Variants in ZFYVE9 observed in about 807,000 individuals in gnomAD.
The protein encoded by ZFYVE9 is zinc finger FYVE-type containing 9, also known as zinc finger FYVE domain-containing protein 9.
A neutral mutation model predicts 126.7 loss-of-function variants in ZFYVE9; 43 were observed. The observed-to-expected ratio is 0.34, with a 90% CI of 0.27 to 0.44. ZFYVE9 has a LOEUF of 0.44. Among genes scored for constraint, ZFYVE9 ranks in the 20% least tolerant of loss-of-function variants. ZFYVE9 has a pLI of 1.00. For missense variants in ZFYVE9, 1,476 were observed against 1,697.0 expected (o/e 0.87, Z 2.29); for synonymous variants, 521 against 597.4 (o/e 0.87, Z 1.87).
At chr1:52,156,448 T>C (rs1644404063) in intron 1 of ZFYVE9, among the ~76,000 whole-genome samples, 1 of 152,200 alleles carries the variant, frequency 6.6e-6, no homozygotes, top group African/African-American at 2.4e-5. Flanking sequence ...CCTTTACCTC[T>C]GCCCCCTACA....
At position 52,274,357 on chromosome 1, in the gene ZFYVE9, G is replaced by A. The variant is rs1240352052; in HGVS notation, c.2626-107G>A. 5 of 1,356,374 alleles carry A rather than the reference G, an allele frequency of 3.7e-6. No individual in the cohort carries two copies. The African/African-American group carries it at 4.4e-5, about 12-fold the overall frequency. The allele number at this position is 1,356,374 out of a possible 1,614,324, so 84.0% of individuals were successfully genotyped here. On this transcript the variant is annotated intron_variant, in intron 7 of 18. Coordinates refer to ENST00000287727, the MANE Select transcript of ZFYVE9 (RefSeq NM_004799.4). ...AATATTTTGTGCTACCTTTCAAAAA[G>A]TATGAATTTCAGATTTTCACTTAAG...
chr1:52,221,256 T>G (rs1281183379), intron 2 of ZFYVE9, among the ~76,000 whole-genome samples: 2 of 152,196 alleles, frequency 1.3e-5, no homozygotes, highest in Non-Finnish European at 2.9e-5. Flanking sequence ...ACCTTTTTCC[T>G]TCAATGATCC....
At position 52,228,893 on chromosome 1, in the gene ZFYVE9, CT is replaced by C. The variant is rs11438635; in HGVS notation, c.-36-4265del. ...TTCTAGTTGAGAATAATCTTTTTTC[CT>C]TTTTTTTTTTTTAAAGACGAGGTCT... On this transcript the variant is annotated intron_variant, in intron 2 of 18. Coordinates refer to ENST00000287727, the MANE Select transcript of ZFYVE9 (RefSeq NM_004799.4). Among the ~76,000 whole-genome samples the C allele has an allele frequency of 8.3e-3, 1,178 of 142,006 alleles. 4 individuals carry two copies. Among genetic ancestry groups the C allele is most frequent in the African/African-American group, 0.019 (730 of 39,132 alleles). 93.2% of individuals were successfully genotyped at this position (142,006 alleles called of 152,430 possible).
intron 4 of ZFYVE9, among the ~76,000 whole-genome samples, chr1:52,263,099 A>G (rs1374875226): frequency 6.7e-6 from 1 of 148,752 alleles, no homozygotes; most frequent in Non-Finnish European, 1.5e-5. Context: ...AAAAAAAAAG[A>G]AAAGAAATCT....
chr1:52,293,376 CAAAAAAAAAAA>C (rs376379860), intron 10 of ZFYVE9, 66 bp from the exon 11 acceptor site: 11 of 604,250 alleles, frequency 1.8e-5, no homozygotes, highest in African/African-American at 1.7e-4. Context: ...GACTCCGTCT[CAAAAAAAAAAA>C]AAAAAAAAAA....
chr1:52,311,654 C>T (rs115977361), intron 13 of ZFYVE9, among the ~76,000 whole-genome samples: 3,107 of 152,262 alleles, frequency 0.02, 93 homozygotes, highest in African/African-American at 0.07. Flanking sequence ...AGTTTTGTGA[C>T]ATTTCAATCA....
intron 13 of ZFYVE9, among the ~76,000 whole-genome samples, chr1:52,326,568 G>T (rs557191162): frequency 1.6e-4 from 25 of 152,130 alleles, no homozygotes; most frequent in African/African-American, 5.8e-4. Flanking sequence ...TTGGTCGAAG[G>T]CCAGGCATGG....
At chr1:52,243,183 G>T (rs751897029) in intron 4 of ZFYVE9, among the ~76,000 whole-genome samples, 1 of 152,202 alleles carries the variant, frequency 6.6e-6, no homozygotes, top group Non-Finnish European at 1.5e-5. Context: ...CTGTCACTGT[G>T]CTGGGTGCCG....
chr1:52,190,555 T>C (rs1200798903), intron 1 of ZFYVE9, among the ~76,000 whole-genome samples: 4 of 152,222 alleles, frequency 2.6e-5, no homozygotes, highest in Non-Finnish European at 4.4e-5. Context: ...TGTTTTGATA[T>C]GGATTAGATG....
In ZFYVE9 at chr1:52,238,374, GA is replaced by G; in HGVS notation, c.963del (p.Glu322SerfsTer68). The G allele has an allele frequency of 1.2e-6, 2 of 1,613,672 alleles. No individual in the cohort carries two copies. Among genetic ancestry groups the G allele is most frequent in the Non-Finnish European group, 8.5e-7 (1 of 1,179,890 alleles). On this transcript the variant is annotated frameshift_variant, in exon 4 of 19. Coordinates refer to ENST00000287727, the MANE Select transcript of ZFYVE9 (RefSeq NM_004799.4). LOFTEE classifies it high-confidence loss of function. Reference sequence around the variant, plus strand: ...CCCACATGAGTGAGGGGATTTTGATGAAAAAAGAGCCAGCAGAGGAGAGCAC... The same window carrying G: ...CCCACATGAGTGAGGGGATTTTGATGAAAAAGAGCCAGCAGAGGAGAGCAC... The part of the protein sequence containing the change: ...FSHMSEGILM[K>X]KEPAEESTTE...
Position 52,334,679 on chromosome 1 carries a change from C to T in ZFYVE9, c.3590-9C>T. On this transcript the variant is annotated splice_polypyrimidine_tract_variant and intron_variant, in intron 14 of 18. Transcript: ENST00000287727. ...CTGTCTTACTAAACTATTTCTATTG[C>T]TGTTTTAGTGACTGGTGCCAGTTTC... 6.2e-7 allele frequency: 1 copy of T among 1,613,244 alleles called. No homozygotes were observed. Among genetic ancestry groups the T allele is most frequent in the East Asian group, 2.2e-5 (1 of 44,848 alleles).
At chr1:52,169,583 T>G (rs989362352) in intron 1 of ZFYVE9, among the ~76,000 whole-genome samples, 2 of 152,152 alleles carry the variant, frequency 1.3e-5, no homozygotes, top group African/African-American at 4.8e-5. Context: ...TCATCTCCAG[T>G]GCTAATACTC....
chr1:52,147,637 C>T (rs1010479249), intron 1 of ZFYVE9, among the ~76,000 whole-genome samples: 2 of 152,120 alleles, frequency 1.3e-5, no homozygotes, highest in African/African-American at 4.8e-5. Context: ...GGGCTGTTTC[C>T]ACTTTTTGGC....
Position 52,142,715 on chromosome 1 carries a change from G to C in ZFYVE9, c.-143+312G>C, listed in dbSNP as rs924062188. ...TTTGCATGGGCCCGGGCCGAGCGCA[G>C]CCTCTTAGCCCGGGCCCTGCACGTA... On this transcript the variant is annotated intron_variant, in intron 1 of 18. Coordinates refer to ENST00000287727, the MANE Select transcript of ZFYVE9 (RefSeq NM_004799.4). This position sits in a 1 kb window ranked among gnomAD's most constrained non-coding sequence, Gnocchi z 4.5. Among the ~76,000 whole-genome samples, 42 of 152,160 alleles carry C rather than the reference G, an allele frequency of 2.8e-4. No individual in the cohort carries two copies. Among genetic ancestry groups the C allele is most frequent in the Non-Finnish European group, 3.1e-4 (21 of 68,000 alleles).
chr1:52,327,494 C>G (rs538209695), intron 13 of ZFYVE9, among the ~76,000 whole-genome samples: 1 of 151,060 alleles, frequency 6.6e-6, no homozygotes, highest in African/African-American at 2.4e-5. Context: ...CCCAGCTACT[C>G]GGGAGGCTGA....
intron 2 of ZFYVE9, among the ~76,000 whole-genome samples, chr1:52,220,583 C>T (rs1645115175): frequency 6.6e-6 from 1 of 152,168 alleles, no homozygotes; most frequent in Non-Finnish European, 1.5e-5. Flanking sequence ...CATGATGCAA[C>T]CATCTTCCAC....
intron 1 of ZFYVE9, among the ~76,000 whole-genome samples, chr1:52,184,239 T>A (rs1037034892): frequency 4.9e-5 from 7 of 143,866 alleles, no homozygotes; most frequent in Non-Finnish European, 9.0e-5. Flanking sequence ...ATATATATAT[T>A]TTGAGATGGA....
At chr1:52,216,166 A>G (rs1175846826) in intron 1 of ZFYVE9, among the ~76,000 whole-genome samples, 1 of 152,228 alleles carries the variant, frequency 6.6e-6, no homozygotes, top group Non-Finnish European at 1.5e-5. Context: ...TCTTCATTGA[A>G]ACATTTAACT....
At chr1:52,341,511 A>G (rs965350594) in intron 17 of ZFYVE9, among the ~76,000 whole-genome samples, 1 of 152,242 alleles carries the variant, frequency 6.6e-6, no homozygotes, top group Non-Finnish European at 1.5e-5. Flanking sequence ...AAAAAATTTT[A>G]AAAGTTCTCG....
Sources: gnomAD v4.1 joint callset for allele counts (sites outside exome capture counted in the v4.1 genomes callset) on GRCh38, gnomAD v4.1.1 for gene constraint, Gnocchi (gnomAD v3.1) non-coding constraint, MANE v1.5 for transcripts, NCBI Gene and HGNC (gene_info 2026-07-23, HGNC 2026-07-21) for gene names.